FBXO34: variants seen among roughly 807,000 people sequenced by gnomAD.
FBXO34 encodes the protein F-box protein 34.
In FBXO34, 12 loss-of-function variants were observed where a neutral mutation model predicts 24.5. The ratio of observed to expected loss-of-function variants is 0.49; its 90% CI spans 0.31 to 0.79. The LOEUF (loss-of-function observed/expected upper bound fraction) is 0.79, where lower values mean the gene tolerates loss of function less well. Ranked by LOEUF, FBXO34 falls within the 30% of genes least tolerant of loss-of-function variation. The pLI is 0.04. For missense variants in FBXO34, 823 were observed against 857.7 expected (o/e 0.96, Z 0.51); for synonymous variants, 320 against 311.9 (o/e 1.03, Z -0.27).
intron 1 of FBXO34, among the ~76,000 whole-genome samples, chr14:55,294,407 C>G (rs899290561): frequency 6.6e-6 from 1 of 152,040 alleles, no homozygotes; most frequent in African/African-American, 2.4e-5. Flanking sequence ...CTGACTTCAA[C>G]CTCCCAAGTA....
chr14:55,299,366 C>A, intron 1 of FBXO34: 1 of 315,920 alleles, frequency 3.2e-6, no homozygotes, highest in Admixed American at 5.0e-5. Context: ...CTCTGCATAG[C>A]ATGGTCTGCA....
At chr14:55,428,229 TG>T in the FBXO34 span, among the ~76,000 whole-genome samples, 376 of 145,020 alleles carry the variant, frequency 2.6e-3, 14 homozygotes, top group East Asian at 0.075. Context: ...TCCTGGGTTC[TG>T]GCCATTCTTC....
Position 55,350,652 on chromosome 14 carries a change from A to G in FBXO34, c.262A>G (p.Lys88Glu). ...PVESSLNVKT[K>E]KNAPSATIHQ... ...AGAGAGCAGCTTGAATGTTAAAACC[A>G]AAAAGAATGCACCATCTGCAACGAT... is the stretch of plus-strand genomic sequence containing the variant. Residue 88 changes from lysine to glutamate, a missense_variant, in exon 2 of 2, where the codon AAA becomes GAA. Lys to Glu is a moderately conservative substitution (Grantham distance 56). Transcript: ENST00000313833. 2 of 1,613,874 alleles carry G rather than the reference A, an allele frequency of 1.2e-6. No individual in the cohort carries two copies.
Position 55,283,125 on chromosome 14 carries a change from C to T in FBXO34, c.-11+11588C>T, listed in dbSNP as rs889026819. ...CTCTACCATCGTCACTATATTTTAG[C>T]TCATTTGTGGAACGAAGGACTATCA... On this transcript the variant is annotated intron_variant, in intron 1 of 1. Coordinates refer to ENST00000313833, the MANE Select transcript of FBXO34 (RefSeq NM_017943.4). Among the ~76,000 whole-genome samples the T allele has an allele frequency of 2.6e-5, 4 of 152,302 alleles. No individual in the cohort carries two copies. In the South Asian group the frequency reaches 8.3e-4, roughly 32 times the overall value.
At chr14:55,436,432 T>G in the FBXO34 span, 3 of 886,702 alleles carry the variant, frequency 3.4e-6, no homozygotes, top group Non-Finnish European at 5.1e-6. Flanking sequence ...CATTTAGAAC[T>G]GATAAAACAA....
At chr14:55,309,676 G>A (rs182014854) in intron 1 of FBXO34, among the ~76,000 whole-genome samples, 1 of 152,244 alleles carries the variant, frequency 6.6e-6, no homozygotes, top group East Asian at 1.9e-4. Context: ...CTGAGTTTTT[G>A]TGTGTCTGTT....
intron 1 of FBXO34, among the ~76,000 whole-genome samples, chr14:55,286,164 T>TA (rs773828057): frequency 2.0e-5 from 3 of 152,186 alleles, no homozygotes; most frequent in South Asian, 4.1e-4. Context: ...TCCCAATTTG[T>TA]AAAAAATGAG....
At chr14:55,331,729 G>GTGTGTATA (rs1566559478) in intron 1 of FBXO34, among the ~76,000 whole-genome samples, 1 of 28,060 alleles carries the variant, frequency 3.6e-5, no homozygotes, top group African/African-American at 4.4e-4. Flanking sequence ...ATATATATAT[G>GTGTGTATA]TATATATATA....
chr14:55,285,381 A>C (rs1881724642), intron 1 of FBXO34: 1 of 152,248 alleles, frequency 6.6e-6, no homozygotes, highest in Non-Finnish European at 1.5e-5. Flanking sequence ...AGAAAAAAAA[A>C]AAAAATTGTT....
At chr14:55,413,832 G>C in the FBXO34 span, 1 of 391,728 alleles carries the variant, frequency 2.6e-6, no homozygotes, top group Non-Finnish European at 4.9e-6. Flanking sequence ...TCTTGCCCTT[G>C]TTTACAATGC....
rs1188290409 is a variant in FBXO34 at position 55,351,415 on chromosome 14, C to G, written c.1025C>G (p.Pro342Arg). The change falls in exon 2 of 2, where the codon CCT becomes CGT. Residue 342 changes from proline (P) to arginine (R), a missense_variant. Transcript: ENST00000313833. ...GAGGCACCTGACACTCAGGTGAATC[C>G]TGTGGGGTCTGTATCTGTGGATTGT... ...VLEAPDTQVN[P>R]VGSVSVDCGP... The G allele has an allele frequency of 6.2e-7, 1 of 1,614,184 alleles. No individual in the cohort carries two copies. The highest frequency in any genetic ancestry group is 2.2e-5 in the East Asian group (1 of 44,884).
chr14:55,442,869 C>G, the FBXO34 span, among the ~76,000 whole-genome samples: 6 of 152,150 alleles, frequency 3.9e-5, no homozygotes, highest in Non-Finnish European at 8.8e-5. Context: ...AAGATGAAAT[C>G]TGGACACACA....
At chr14:55,307,980 C>T (rs140502013) in intron 1 of FBXO34, among the ~76,000 whole-genome samples, 1 of 152,268 alleles carries the variant, frequency 6.6e-6, no homozygotes, top group East Asian at 1.9e-4. Context: ...ATAATTGAAT[C>T]ATGAGGGCAG....
chr14:55,405,889 CG>C, the FBXO34 span, among the ~76,000 whole-genome samples: 42 of 39,852 alleles, frequency 1.1e-3, no homozygotes, highest in East Asian at 0.022. Flanking sequence ...GGTGGGGTGG[CG>C]GGGGGGGCAG....
chr14:55,315,991 T>C (rs1359697913), intron 1 of FBXO34, among the ~76,000 whole-genome samples: 1 of 152,204 alleles, frequency 6.6e-6, no homozygotes, highest in Non-Finnish European at 1.5e-5. Flanking sequence ...GGACTGGTCT[T>C]CCAATGTTTT....
intron 1 of FBXO34, among the ~76,000 whole-genome samples, chr14:55,319,965 C>G (rs769286076): frequency 1.3e-5 from 2 of 152,180 alleles, no homozygotes; most frequent in Non-Finnish European, 2.9e-5. Flanking sequence ...AGCCACCACA[C>G]CTGGCCAATT....
At chr14:55,441,414 C>T in the FBXO34 span, among the ~76,000 whole-genome samples, 4 of 152,202 alleles carry the variant, frequency 2.6e-5, no homozygotes, top group Non-Finnish European at 5.9e-5. Flanking sequence ...CCTCAGACTC[C>T]CAAAATGCTG....
At chr14:55,379,744 C>T in the FBXO34 span, among the ~76,000 whole-genome samples, 2,103 of 152,164 alleles carry the variant, frequency 0.014, 67 homozygotes, top group African/African-American at 0.049. Flanking sequence ...ATTTTTGAGA[C>T]GAAGTCTCAT....
At chr14:55,437,307 G>A in the FBXO34 span, among the ~76,000 whole-genome samples, 35 of 152,324 alleles carry the variant, frequency 2.3e-4, 1 homozygote, top group East Asian at 3.9e-4. Context: ...GTGAAACCAC[G>A]TCTCTACTAA....
Sources: gnomAD v4.1 joint callset for allele counts (sites outside exome capture counted in the v4.1 genomes callset) on GRCh38, gnomAD v4.1.1 for gene constraint, MANE v1.5 for transcripts, NCBI Gene and HGNC (gene_info 2026-07-23, HGNC 2026-07-21) for gene names.